The following DDX3X variants were observed in gnomAD, a reference collection of about 807,000 sequenced individuals.
DDX3X encodes DEAD-box helicase 3 X-linked, also known as ATP-dependent RNA helicase DDX3X.
A neutral mutation model predicts 52.7 loss-of-function variants in DDX3X; 4 were observed. The ratio of observed to expected loss-of-function variants is 0.08; its 90% CI spans 0.04 to 0.17. The LOEUF (loss-of-function observed/expected upper bound fraction) is 0.17. DDX3X is among the 10% of genes least tolerant of loss of function. The pLI is 1.00. For missense variants in DDX3X, 222 were observed against 548.6 expected (o/e 0.40, Z 5.95); for synonymous variants, 192 against 178.1 (o/e 1.08, Z -0.62).
rs1232869960 is a variant in DDX3X, at chrX:41,337,554, C to T, written c.103+89C>T. On this transcript the variant is annotated intron_variant, in intron 2 of 16. Coordinates refer to ENST00000644876, the MANE Select transcript of DDX3X (RefSeq NM_001356.5). Reference sequence around the variant, plus strand: ...CTTATGTAAAATTTAAGAAATTTGCCTTTCAATTTTTTACTGCTTAAAGAA... The same window carrying T: ...CTTATGTAAAATTTAAGAAATTTGCTTTTCAATTTTTTACTGCTTAAAGAA... 9 of 799,356 alleles carry T rather than the reference C, an allele frequency of 1.1e-5. No homozygotes were observed. In the South Asian group the frequency reaches 1.5e-4, roughly 13 times the overall value. 65.9% of individuals were successfully genotyped at this position (799,356 alleles called of 1,213,427 possible).
intron 10 of DDX3X, 113 bp from the exon 11 acceptor site, chrX:41,345,067 A>G: frequency 1.3e-6 from 1 of 752,628 alleles, no homozygotes. Flanking sequence ...TGAATATATA[A>G]TTGTAATAAC....
chrX:41,348,530 A>G lies in DDX3X; in HGVS notation c.*811A>G, dbSNP rs1233343628. ...GCTAGCCAAATGTGGGCATACTATT[A>G]CAGGGAAAGTTTAAAGGTCTGATAA... On this transcript the variant is annotated 3_prime_UTR_variant, in exon 17 of 17. Transcript: ENST00000644876. 2 of 112,667 alleles carry G rather than the reference A, an allele frequency of 1.8e-5. No individual in the cohort carries two copies. Among genetic ancestry groups the G allele is most frequent in the Admixed American group, 1.9e-4 (2 of 10,587 alleles). 9.3% of individuals were successfully genotyped at this position (112,667 alleles called of 1,213,427 possible).
chrX:41,345,354 T>C (rs2063909078), intron 11 of DDX3X, 30 bp downstream of exon 11: 4 of 1,201,309 alleles, frequency 3.3e-6, no homozygotes, highest in Non-Finnish European at 4.5e-6. Flanking sequence ...ATTTTATTTA[T>C]TTAGAAATTT....
downstream of DDX3X, chrX:41,350,603 G>C (rs1182317829): frequency 9.0e-6 from 1 of 111,326 alleles, no homozygotes; most frequent in Admixed American, 9.6e-5. Flanking sequence ...ACAAGTGATG[G>C]TAAGTATATA....
At chrX:41,345,908 A>G (rs962199336) in intron 12 of DDX3X, 12 of 269,950 alleles carry the variant, frequency 4.4e-5, no homozygotes, top group Non-Finnish European at 7.7e-5. Context: ...TGCTCTGGTA[A>G]TAACCCATTT....
intron 12 of DDX3X, 55 bp downstream of exon 12, chrX:41,345,603 A>G: frequency 2.0e-6 from 2 of 1,016,137 alleles, no homozygotes; most frequent in Non-Finnish European, 2.7e-6. Flanking sequence ...TTTGTTGCCC[A>G]GGCTGGAGTG....
rs1383054324 is a variant in DDX3X at position 41,347,820 on chromosome X, A to G, written c.*101A>G. 1.8e-6 allele frequency: 1 copy of G among 548,830 alleles called. No individual in the cohort carries two copies. The highest frequency in any genetic ancestry group is 2.9e-6 in the Non-Finnish European group (1 of 339,750). 45.2% of individuals were successfully genotyped at this position (548,830 alleles called of 1,213,427 possible). A position where few individuals can be genotyped will look rare whatever the true frequency, so the allele number is the denominator to read the frequency against. On this transcript the variant is annotated 3_prime_UTR_variant, in exon 17 of 17. Coordinates refer to ENST00000644876, the MANE Select transcript of DDX3X (RefSeq NM_001356.5). ...GTGTAGCTTCAAGAACTCGCAGTAC[A>G]TTACCAGCTGTGATTCTCCACTGAA...
chrX:41,350,731 A>C (rs2063978010), downstream of DDX3X: 1 of 111,642 alleles, frequency 9.0e-6, no homozygotes, highest in African/African-American at 3.3e-5. Context: ...GTTCAAGTCC[A>C]GCCTGGGCAA....
At chrX:41,347,532 T>C (rs2063942956) in intron 16 of DDX3X, 81 bp downstream of exon 16, 1 of 1,170,134 alleles carries the variant, frequency 8.5e-7, no homozygotes, top group Admixed American at 2.5e-5. Context: ...AATTAAACAA[T>C]TTAAGTTCAG....
intron 7 of DDX3X, 119 bp downstream of exon 7, chrX:41,343,470 G>A: frequency 3.0e-6 from 2 of 670,539 alleles, no homozygotes; most frequent in South Asian, 3.4e-5. Flanking sequence ...CTATTGGACT[G>A]TGAAAGAAGC....
intron 10 of DDX3X, chrX:41,344,635 T>A (rs1313788059): frequency 1.8e-5 from 7 of 378,874 alleles, no homozygotes; most frequent in African/African-American, 5.2e-5. Flanking sequence ...GCGGGGTTTC[T>A]CCATGTTGGT....
In DDX3X at chrX:41,349,922, A is replaced by T. The variant is rs188774286; in HGVS notation, c.*2203A>T. 9.3e-6 allele frequency: 1 copy of T among 107,063 alleles called. No individual in the cohort carries two copies. Among genetic ancestry groups the T allele is most frequent in the Admixed American group, 1.0e-4 (1 of 9,913 alleles). The allele number at this position is 107,063 out of a possible 1,213,427, so 8.8% of individuals were successfully genotyped here. On this transcript the variant is annotated 3_prime_UTR_variant, in exon 17 of 17. Coordinates refer to ENST00000644876, the MANE Select transcript of DDX3X (RefSeq NM_001356.5). ...TGTGTTTTTTTTTTTTTTTCAGTGA[A>T]TGTCTGGCACATTGCAATCCTCAAA...
Position 41,342,659 on chromosome X carries a change from T to C in DDX3X, c.443+6T>C. 1 of 1,211,339 alleles carries C rather than the reference T, an allele frequency of 8.3e-7. No individual in the cohort carries two copies. Among genetic ancestry groups the C allele is most frequent in the East Asian group, 3.0e-5 (1 of 33,856 alleles). The stretch of plus-strand genomic sequence containing the variant: ...CCAAGTGAACGCTTGGAACAGTAAG[T>C]TTTTGAAGTGTATGTTACTTGTGAT... On this transcript the variant is annotated splice_donor_region_variant and intron_variant, in intron 5 of 16. Coordinates refer to ENST00000644876, the MANE Select transcript of DDX3X (RefSeq NM_001356.5).
upstream of DDX3X, chrX:41,333,994 G>A: frequency 5.3e-6 from 2 of 374,283 alleles, no homozygotes; most frequent in Non-Finnish European, 9.4e-6. Context: ...GGGGCGACAG[G>A]ACTAAGTAGG....
rs2063811464 is a variant in DDX3X at position 41,339,095 on chromosome X, C to A, written c.151+12C>A. 1.9e-6 allele frequency: 2 copies of A among 1,047,408 alleles called. No homozygotes were observed. Among genetic ancestry groups the A allele is most frequent in the African/African-American group, 1.9e-5 (1 of 51,368 alleles). 86.3% of individuals were successfully genotyped at this position (1,047,408 alleles called of 1,213,427 possible). A position where few individuals can be genotyped will look rare whatever the true frequency, so the allele number is the denominator to read the frequency against. ...AGAAGCTACTAAAGGTAGGTCCTCA[C>A]AAGTAACTTCGTAGGTCTATTTTTT... On this transcript the variant is annotated intron_variant, in intron 3 of 16. Transcript: ENST00000644876.
At position 41,334,613 on chromosome X, in the gene DDX3X, T is replaced by G. The variant is rs145059861; in HGVS notation, c.45+316T>G. 1,000 of 1,082,696 alleles carry G rather than the reference T, an allele frequency of 9.2e-4. 3 individuals are homozygous for G. The African/African-American group carries it at 0.017, about 18-fold the overall frequency. 89.2% of individuals were successfully genotyped at this position (1,082,696 alleles called of 1,213,427 possible). On this transcript the variant is annotated intron_variant, in intron 1 of 16. Transcript: ENST00000644876. ...CGCGCATGCGCGAATCCCGACTGAT[T>G]AGTGACCTGGGGGGGTTTGCGGGAG...
intron 10 of DDX3X, chrX:41,344,714 A>G: frequency 3.1e-6 from 1 of 321,857 alleles, no homozygotes; most frequent in East Asian, 6.4e-5. Flanking sequence ...CTGGGATTAC[A>G]GGTGTGAGCC....
chrX:41,354,619 C>G (rs1274721771), downstream of DDX3X, among the ~76,000 whole-genome samples: 1 of 110,072 alleles, frequency 9.1e-6, no homozygotes, highest in Non-Finnish European at 1.9e-5. Flanking sequence ...CCACAGTGCT[C>G]AGCTTGCTAC....
intron 5 of DDX3X, among the ~76,000 whole-genome samples, chrX:41,358,491 C>T (rs1029467714): frequency 1.8e-5 from 2 of 111,939 alleles, no homozygotes; most frequent in Middle Eastern, 4.2e-3. Context: ...TCTTAAAACT[C>T]ATCATTTTGA....
Sources: allele counts gnomAD v4.1 joint callset (sites outside exome capture counted in the v4.1 genomes callset), GRCh38; gene constraint gnomAD v4.1.1; transcripts MANE v1.5; gene names NCBI Gene and HGNC (gene_info 2026-07-23, HGNC 2026-07-21).